Variants in ATG2B observed in about 807,000 individuals in gnomAD.
The protein encoded by ATG2B is autophagy-related protein 2 homolog B.
Under a neutral mutation model 241.3 loss-of-function variants are expected in ATG2B, and 121 were observed. The observed-to-expected ratio is 0.50, with a 90% CI of 0.43 to 0.58. The LOEUF is 0.58. ATG2B is among the 20% of genes least tolerant of loss of function. ATG2B has a pLI of 0.00. For synonymous variants in ATG2B, 858 were observed against 876.6 expected, an observed-to-expected ratio of 0.98 and a Z score of 0.37; for missense variants, 2,306 against 2,491.6, an observed-to-expected ratio of 0.93 and a Z score of 1.59.
chr14:96,325,874 T>C lies in ATG2B; in HGVS notation c.2212A>G (p.Asn738Asp). 6.2e-7 allele frequency: 1 copy of C among 1,613,986 alleles called. No homozygotes were observed. The highest frequency in any genetic ancestry group is 8.5e-7 in the Non-Finnish European group (1 of 1,179,960). The change falls in exon 15 of 42, where the codon AAT becomes GAT. Residue 738 changes from asparagine (N) to aspartate (D), a missense_variant. By Grantham distance (23) the Asn-to-Asp change is conservative (BLOSUM62 1). Transcript: ENST00000359933. ...GCAACTTGTACTGATATCCGACAAT[T>C]TGCAGGACTATGTGAATCATCTAGA... ...VFLDDSHSPA[N>D]CRISVQVATP...
In ATG2B at chr14:96,317,292, C is replaced by T. The variant is rs371233342; in HGVS notation, c.3063G>A (p.Glu1021=). ...CAACAGTGGAAAAATACTGCAAAGT[C>T]TCCTCCTCAGATCCACTTTCCTCAT... ...HYDEESGSEE[E]TLQYFSTVDP... The change falls in exon 20 of 42, where the codon GAG becomes GAA. Residue 1021 remains glutamate (E), a synonymous_variant. Transcript: ENST00000359933. 6.2e-7 allele frequency: 1 copy of T among 1,613,128 alleles called. No individual in the cohort carries two copies. Among genetic ancestry groups the T allele is most frequent in the Non-Finnish European group, 8.5e-7 (1 of 1,179,638 alleles).
chr14:96,321,985 C>T, intron 18 of ATG2B, 127 bp downstream of exon 18: 1 of 695,240 alleles, frequency 1.4e-6, no homozygotes, highest in Non-Finnish European at 2.3e-6. Flanking sequence ...TCACCATCAA[C>T]ACCACACAAA....
Position 96,331,438 on chromosome 14 carries a change from T to C in ATG2B, c.1668A>G (p.Ser556=), listed in dbSNP as rs201230411. 9,873 of 1,614,078 alleles carry C rather than the reference T, an allele frequency of 6.1e-3. 37 individuals are homozygous for C. Among genetic ancestry groups the C allele is most frequent in the Non-Finnish European group, 7.0e-3 (8,313 of 1,179,972 alleles). Residue 556 remains serine, a synonymous_variant, in exon 11 of 42, where the codon TCA becomes TCG. Transcript: ENST00000359933. ...CIEKIDPARF[S]TEDFKSFRAV... ...CTCGGAAAGACTTAAAATCTTCTGTTGAAAATCTTGCTGGATCAATCTTTT... is the reference window on the plus strand; with the variant it reads ...CTCGGAAAGACTTAAAATCTTCTGTCGAAAATCTTGCTGGATCAATCTTTT...
At position 96,295,468 on chromosome 14, in the gene ATG2B, T is replaced by C. The variant is rs1365275060; in HGVS notation, c.5218+14A>G. Reference sequence around the variant, plus strand: ...GTACTTGGTATAGTCTTTTCAACTATACATATTTAATACCTTCTGGATCTG... The same window carrying C: ...GTACTTGGTATAGTCTTTTCAACTACACATATTTAATACCTTCTGGATCTG... On this transcript the variant is annotated intron_variant, in intron 35 of 41. Transcript: ENST00000359933. 3.2e-6 allele frequency: 5 copies of C among 1,548,262 alleles called. No individual in the cohort carries two copies. Among genetic ancestry groups the C allele is most frequent in the East Asian group, 2.3e-5 (1 of 44,342 alleles).
intron 15 of ATG2B, 84 bp downstream of exon 15, chr14:96,325,565 T>G (rs1887567290): frequency 8.1e-7 from 1 of 1,240,036 alleles, no homozygotes; most frequent in Middle Eastern, 2.9e-4. Flanking sequence ...ATTGCAGGGC[T>G]GTCAGATACT....
At chr14:96,286,556 T>C (rs943360584) in intron 41 of ATG2B, among the ~76,000 whole-genome samples, 2 of 152,204 alleles carry the variant, frequency 1.3e-5, no homozygotes, top group Admixed American at 1.3e-4. Flanking sequence ...TTTAGTAGCA[T>C]TTTCCATCTT....
rs1215515051 is a variant in ATG2B, at chr14:96,332,282, A to G, written c.1468+23T>C. The G allele has an allele frequency of 3.8e-6, 6 of 1,576,598 alleles. No individual in the cohort carries two copies. In the African/African-American group the frequency reaches 5.4e-5, roughly 14 times the overall value. Reference sequence around the variant, plus strand: ...TTAAAAATTCCAGCGGAAACTAACAACAAATGTCTTATTTTTACTTACATG... The same window carrying G: ...TTAAAAATTCCAGCGGAAACTAACAGCAAATGTCTTATTTTTACTTACATG... On this transcript the variant is annotated intron_variant, in intron 10 of 41. Coordinates refer to ENST00000359933, the MANE Select transcript of ATG2B (RefSeq NM_018036.7).
chr14:96,305,559 C>G, intron 31 of ATG2B, 30 bp downstream of exon 31: 1 of 1,466,082 alleles, frequency 6.8e-7, no homozygotes, highest in Non-Finnish European at 9.4e-7. Context: ...TATTGGCCTC[C>G]CAAATAAACT....
chr14:96,322,799 T>C (rs534325057), intron 16 of ATG2B, 64 bp from the exon 17 acceptor site: 7 of 1,378,864 alleles, frequency 5.1e-6, no homozygotes, highest in East Asian at 4.6e-5. Context: ...CTTTAACTTT[T>C]GTGCAAATTA....
At chr14:96,333,295 G>A (rs1016153375) in intron 8 of ATG2B, among the ~76,000 whole-genome samples, 1 of 152,054 alleles carries the variant, frequency 6.6e-6, no homozygotes, top group African/African-American at 2.4e-5. Context: ...GATCAATAAA[G>A]GAAAGTTTCC....
chr14:96,290,785 T>C lies in ATG2B; in HGVS notation c.5701+29A>G, dbSNP rs769183715. 5 of 1,591,642 alleles carry C rather than the reference T, an allele frequency of 3.1e-6. No homozygotes were observed. The highest frequency in any genetic ancestry group is 4.3e-6 in the Non-Finnish European group (5 of 1,172,882). On this transcript the variant is annotated intron_variant, in intron 39 of 41. Coordinates refer to ENST00000359933, the MANE Select transcript of ATG2B (RefSeq NM_018036.7). This position sits in a 1 kb window ranked among gnomAD's most constrained non-coding sequence, Gnocchi z 4.4. The stretch of plus-strand genomic sequence containing the variant: ...ATTACTCATCTGAAAAAATAACTTA[T>C]CTTTTGATTAAAAAAGAAGAAAACT...
chr14:96,349,242 G>A (rs551797721), intron 1 of ATG2B, among the ~76,000 whole-genome samples: 128 of 152,308 alleles, frequency 8.4e-4, no homozygotes, highest in African/African-American at 2.5e-3. Flanking sequence ...TTGATACATC[G>A]CAGTATTTGA....
Position 96,333,808 on chromosome 14 carries a change from C to G in ATG2B, c.1087G>C (p.Glu363Gln), listed in dbSNP as rs747662364. Residue 363 changes from glutamate (E) to glutamine (Q), a missense_variant, in exon 8 of 42, where the codon GAG (glutamate) becomes CAG (glutamine). Physicochemically the swap from Glu to Gln is conservative, Grantham distance 29 (BLOSUM62 2). Around this residue, in one of 2 missense-constraint regions of ATG2B, gnomAD observed 1,927 missense variants for 2,011.2 expected, o/e 0.96. Coordinates refer to ENST00000359933, the MANE Select transcript of ATG2B (RefSeq NM_018036.7). ...RKNRPMQQED[E>Q]YRIQMELNRY... The stretch of plus-strand genomic sequence containing the variant: ...TTTAATTCCATCTGAATTCGATACT[C>G]GTCTTCCTGCTGCATGGGTCGATTT... 50 of 1,613,766 alleles carry G rather than the reference C, an allele frequency of 3.1e-5. No homozygotes were observed. The highest frequency in any genetic ancestry group is 3.4e-5 in the Non-Finnish European group (40 of 1,179,878).
intron 18 of ATG2B, chr14:96,318,406 A>C (rs759616630): frequency 1.3e-5 from 2 of 152,210 alleles, no homozygotes; most frequent in Non-Finnish European, 2.9e-5. Context: ...TAGTGGAAAA[A>C]TGGGGATGAA....
At chr14:96,308,267 T>TATATATAC (rs1887042774) in intron 29 of ATG2B, among the ~76,000 whole-genome samples, 3 of 27,058 alleles carry the variant, frequency 1.1e-4, no homozygotes, top group Non-Finnish European at 2.5e-4. Context: ...CATATATATA[T>TATATATAC]ATATATATAT....
chr14:96,325,681 A>T lies in ATG2B; in HGVS notation c.2405T>A (p.Ile802Asn), dbSNP rs1407389296. The T allele has an allele frequency of 6.2e-7, 1 of 1,613,236 alleles. No individual in the cohort carries two copies. The highest frequency in any genetic ancestry group is 2.2e-5 in the East Asian group (1 of 44,840). The change falls in exon 15 of 42, where the codon ATT becomes AAT. Residue 802 changes from isoleucine to asparagine, a missense_variant. Physicochemically the swap from Ile to Asn is moderately radical, Grantham distance 149 (BLOSUM62 -3). Coordinates refer to ENST00000359933, the MANE Select transcript of ATG2B (RefSeq NM_018036.7). Reference sequence around the variant, plus strand: ...TTCTCTAAAGGTAAGTTCCAATTTAATTTGTTCTGGGGTTGATCCTCCTAT... The same window carrying T: ...TTCTCTAAAGGTAAGTTCCAATTTATTTTGTTCTGGGGTTGATCCTCCTAT... ...EFIGGSTPEQ[I>N]KLELTFRELI... is the part of the protein sequence containing the mutation.
intron 30 of ATG2B, 108 bp from the exon 31 acceptor site, chr14:96,305,923 C>T (rs1489712827): frequency 1.4e-5 from 11 of 800,076 alleles, no homozygotes; most frequent in Non-Finnish European, 2.2e-5. Context: ...TTTAATAATT[C>T]CAGTATATAA....
chr14:96,326,704 C>T (rs562935684), intron 14 of ATG2B, among the ~76,000 whole-genome samples: 2 of 152,228 alleles, frequency 1.3e-5, no homozygotes, highest in African/African-American at 4.8e-5. Flanking sequence ...TGAAAACTCC[C>T]TGCATATGCT....
At chr14:96,329,388 C>T in intron 12 of ATG2B, 96 bp downstream of exon 12, 2 of 824,632 alleles carry the variant, frequency 2.4e-6, no homozygotes, top group East Asian at 2.8e-5. Context: ...CTATGGCTTT[C>T]TATACATTTT....
Sources: allele counts gnomAD v4.1 joint callset (sites outside exome capture counted in the v4.1 genomes callset), GRCh38; gene constraint gnomAD v4.1.1; regional missense constraint gnomAD v4.1.1; non-coding constraint Gnocchi (gnomAD v3.1); transcripts MANE v1.5; gene names NCBI Gene and HGNC (gene_info 2026-07-23, HGNC 2026-07-21).